Variants in SLC39A9 observed in about 807,000 individuals in gnomAD.
The protein encoded by SLC39A9 is solute carrier family 39 member 9.
In SLC39A9, 14 loss-of-function variants were observed where a neutral mutation model predicts 28.4. That is an observed-to-expected ratio of 0.49 (90% confidence interval 0.33 to 0.77). The LOEUF is 0.77. Ranked by LOEUF, SLC39A9 falls within the 30% of genes least tolerant of loss-of-function variation. SLC39A9 has a pLI of 0.02. For synonymous variants in SLC39A9, 119 were observed against 149.6 expected, an observed-to-expected ratio of 0.80 and a Z score of 1.49; for missense variants, 283 against 381.1, an observed-to-expected ratio of 0.74 and a Z score of 2.14.
chr14:69,414,050 C>CTT lies in SLC39A9; in HGVS notation c.97-10027_97-10026dup, dbSNP rs1186216595. Among the ~76,000 whole-genome samples the CTT allele has an allele frequency of 3.7e-3, 495 of 132,168 alleles. 11 individuals are homozygous for CTT. The highest frequency in any genetic ancestry group is 0.01 in the African/African-American group (370 of 35,752). The allele number at this position is 132,168 out of a possible 152,430, so 86.7% of individuals were successfully genotyped here. On this transcript the variant is annotated intron_variant, in intron 1 of 6. Transcript: ENST00000336643. ...CAAACTCCTGTTTATATTTCATATT[C>CTT]TTTTTTTTTTTTTTTTTTGAGAGAG...
Position 69,424,115 on chromosome 14 carries a change from G to C in SLC39A9, c.118G>C (p.Val40Leu). 1.2e-6 allele frequency: 2 copies of C among 1,613,834 alleles called. No individual in the cohort carries two copies. The highest frequency in any genetic ancestry group is 1.7e-6 in the Non-Finnish European group (2 of 1,179,812). ...FSEERLKLVTVLGAGLLCGTA... is the reference protein window; with the variant it reads ...FSEERLKLVTLLGAGLLCGTA... ...CCAGGAACGACTGAAGCTGGTGACT[G>C]TTTTGGGTGCTGGCCTTCTCTGTGG... is the stretch of plus-strand genomic sequence containing the variant. Residue 40 changes from valine (V) to leucine (L), a missense_variant, in exon 2 of 7, where the codon GTT becomes CTT. Physicochemically the swap from Val to Leu is conservative, Grantham distance 32. Coordinates refer to ENST00000336643, the MANE Select transcript of SLC39A9 (RefSeq NM_018375.5).
rs914987854 is a variant in SLC39A9, at chr14:69,398,875, T to C, written c.-495T>C. Reference sequence around the variant, plus strand: ...CAGGACTCCTTTCCTCATCCCAGGCTCGGAGGAGAGTTTGCTGGGACTGGT... The same window carrying C: ...CAGGACTCCTTTCCTCATCCCAGGCCCGGAGGAGAGTTTGCTGGGACTGGT... On this transcript the variant is annotated 5_prime_UTR_variant, in exon 1 of 7. Transcript: ENST00000336643. 5.0e-6 allele frequency: 1 copy of C among 198,660 alleles called. No individual in the cohort carries two copies. The highest frequency in any genetic ancestry group is 1.0e-5 in the Non-Finnish European group (1 of 97,770). 12.3% of individuals were successfully genotyped at this position (198,660 alleles called of 1,614,324 possible).
rs930754923 is a variant in SLC39A9 at position 69,461,415 on chromosome 14, AT to A, written c.*2831del. The A allele has an allele frequency of 6.0e-4, 743 of 1,240,600 alleles. No individual in the cohort carries two copies. Among genetic ancestry groups the A allele is most frequent in the East Asian group, 2.1e-3 (62 of 28,880 alleles). 76.8% of individuals were successfully genotyped at this position (1,240,600 alleles called of 1,614,324 possible). ...GTTTTCCTGTGCACACTATTGCCAA[AT>A]TTTTTTTTAGCAAAGATTCTGCACT... On this transcript the variant is annotated 3_prime_UTR_variant, in exon 7 of 7. Transcript: ENST00000336643.
chr14:69,444,457 T>A (rs1465048202), intron 3 of SLC39A9, among the ~76,000 whole-genome samples: 1 of 152,198 alleles, frequency 6.6e-6, no homozygotes, highest in Non-Finnish European at 1.5e-5. Context: ...AAAGCTATGC[T>A]GAGATACCGT....
chr14:69,407,494 C>T (rs899006347), intron 1 of SLC39A9, among the ~76,000 whole-genome samples: 19 of 150,108 alleles, frequency 1.3e-4, no homozygotes, highest in African/African-American at 3.2e-4. Context: ...TGCACCACCA[C>T]GCCCCACTAA....
intron 6 of SLC39A9, among the ~76,000 whole-genome samples, chr14:69,456,369 G>T (rs1008555833): frequency 1.3e-5 from 2 of 152,152 alleles, no homozygotes; most frequent in Non-Finnish European, 2.9e-5. Context: ...AAGAAGAGAA[G>T]GCTTTTCAGG....
In SLC39A9 at chr14:69,460,981, G is replaced by A. The variant is rs918117082; in HGVS notation, c.*2388G>A. The A allele has an allele frequency of 2.1e-5, 21 of 985,330 alleles. No homozygotes were observed. The highest frequency in any genetic ancestry group is 2.5e-5 in the Non-Finnish European group (21 of 830,012). The allele number at this position is 985,330 out of a possible 1,614,324, so 61.0% of individuals were successfully genotyped here. ...GAAGAGCTTGCTGGCATGGTGGGCA[G>A]TATTCCAGGAGAGGCCATGTCCGTG... On this transcript the variant is annotated 3_prime_UTR_variant, in exon 7 of 7. Coordinates refer to ENST00000336643, the MANE Select transcript of SLC39A9 (RefSeq NM_018375.5).
Position 69,460,479 on chromosome 14 carries a change from C to A in SLC39A9, c.*1886C>A. Reference sequence around the variant, plus strand: ...GTGAGACTTGAGGTTTCATCTAGTCCTTCAAAACTATATGGTTGCCTAGAT... The same window carrying A: ...GTGAGACTTGAGGTTTCATCTAGTCATTCAAAACTATATGGTTGCCTAGAT... On this transcript the variant is annotated 3_prime_UTR_variant, in exon 7 of 7. Transcript: ENST00000336643. The A allele has an allele frequency of 1.0e-6, 1 of 985,380 alleles. No homozygotes were observed. The highest frequency in any genetic ancestry group is 1.2e-6 in the Non-Finnish European group (1 of 829,894). 61.0% of individuals were successfully genotyped at this position (985,380 alleles called of 1,614,324 possible). A position where few individuals can be genotyped will look rare whatever the true frequency, so the allele number is the denominator to read the frequency against.
intron 3 of SLC39A9, among the ~76,000 whole-genome samples, chr14:69,447,197 G>A (rs1243437436): frequency 1.3e-5 from 2 of 152,162 alleles, no homozygotes; most frequent in Non-Finnish European, 2.9e-5. Context: ...TGATCGGATA[G>A]TCAAAATTAA....
intron 2 of SLC39A9, among the ~76,000 whole-genome samples, chr14:69,426,549 C>A (rs1884202323): frequency 6.6e-6 from 1 of 152,202 alleles, no homozygotes; most frequent in Non-Finnish European, 1.5e-5. Context: ...ACCTTTCTAT[C>A]AGCCTTCATA....
intron 1 of SLC39A9, among the ~76,000 whole-genome samples, chr14:69,407,341 T>C (rs1250651301): frequency 2.0e-5 from 3 of 147,270 alleles, no homozygotes; most frequent in Admixed American, 6.8e-5. Flanking sequence ...TCTTCCTTCC[T>C]TTCTTCTTTC....
At chr14:69,431,637 T>C (rs1044804793) in intron 2 of SLC39A9, among the ~76,000 whole-genome samples, 1 of 152,012 alleles carries the variant, frequency 6.6e-6, no homozygotes. Flanking sequence ...TTCACGATGC[T>C]GAGGTTTGGG....
rs1258325457 is a variant in SLC39A9, at chr14:69,454,873, G to A, written c.534G>A (p.Val178=). 6.2e-7 allele frequency: 1 copy of A among 1,613,834 alleles called. No homozygotes were observed. Among genetic ancestry groups the A allele is most frequent in the African/African-American group, 1.3e-5 (1 of 74,936 alleles). The change falls in exon 5 of 7, where the codon GTG becomes GTA. Residue 178 remains valine (V), a synonymous_variant. Coordinates refer to ENST00000336643, the MANE Select transcript of SLC39A9 (RefSeq NM_018375.5). ...CACAGACCAGTGTCCAGTTAATTGT[G>A]TTTGTGGCAATCATGCTACATAAGG... ...STSQTSVQLI[V]FVAIMLHKAP... is the part of the protein sequence containing the mutation.
At chr14:69,408,272 G>A (rs1350928406) in intron 1 of SLC39A9, among the ~76,000 whole-genome samples, 1 of 151,516 alleles carries the variant, frequency 6.6e-6, no homozygotes, top group African/African-American at 2.4e-5. Context: ...CTTGGCCTCC[G>A]GAAGTGCTGG....
intron 1 of SLC39A9, among the ~76,000 whole-genome samples, chr14:69,420,424 C>G (rs1466967592): frequency 6.6e-6 from 1 of 152,098 alleles, no homozygotes; most frequent in Non-Finnish European, 1.5e-5. Context: ...TCTGGCTGCC[C>G]TTAACATTTT....
At position 69,462,010 on chromosome 14, in the gene SLC39A9, C is replaced by T. The variant is rs1886132229; in HGVS notation, c.*3417C>T. The T allele has an allele frequency of 9.6e-6, 3 of 312,784 alleles. No individual in the cohort carries two copies. Among genetic ancestry groups the T allele is most frequent in the Non-Finnish European group, 1.8e-5 (3 of 169,874 alleles). 19.4% of individuals were successfully genotyped at this position (312,784 alleles called of 1,614,324 possible). On this transcript the variant is annotated 3_prime_UTR_variant, in exon 7 of 7. Coordinates refer to ENST00000336643, the MANE Select transcript of SLC39A9 (RefSeq NM_018375.5). ...GTTGGAGATGCTGTGAAATTAAAAC[C>T]TCTTTGTACCTGAGACATCTAGATT...
intron 2 of SLC39A9, among the ~76,000 whole-genome samples, chr14:69,438,336 T>C (rs1460965510): frequency 1.3e-5 from 2 of 152,140 alleles, no homozygotes; most frequent in Admixed American, 6.6e-5. Context: ...CTTTCTTTAT[T>C]GTAGACCAAA....
rs1413469318 is a variant in SLC39A9 at position 69,461,723 on chromosome 14, A to G, written c.*3130A>G. ...ATTAGAACTAAGAGGACACACCAGC[A>G]TCGGAGTGTATTAAGCCCCTGAAAC... On this transcript the variant is annotated 3_prime_UTR_variant, in exon 7 of 7. Coordinates refer to ENST00000336643, the MANE Select transcript of SLC39A9 (RefSeq NM_018375.5). 4 of 1,535,874 alleles carry G rather than the reference A, an allele frequency of 2.6e-6. No individual in the cohort carries two copies. Among genetic ancestry groups the G allele is most frequent in the South Asian group, 1.2e-5 (1 of 84,054 alleles).
At position 69,461,721 on chromosome 14, in the gene SLC39A9, G is replaced by C; in HGVS notation, c.*3128G>C. On this transcript the variant is annotated 3_prime_UTR_variant, in exon 7 of 7. Coordinates refer to ENST00000336643, the MANE Select transcript of SLC39A9 (RefSeq NM_018375.5). ...GGATTAGAACTAAGAGGACACACCA[G>C]CATCGGAGTGTATTAAGCCCCTGAA... 1 of 1,535,888 alleles carries C rather than the reference G, an allele frequency of 6.5e-7. No homozygotes were observed. The highest frequency in any genetic ancestry group is 2.4e-5 in the East Asian group (1 of 40,914).
Sources: gnomAD v4.1 joint callset for allele counts (sites outside exome capture counted in the v4.1 genomes callset) on GRCh38, gnomAD v4.1.1 for gene constraint, MANE v1.5 for transcripts, NCBI Gene and HGNC (gene_info 2026-07-23, HGNC 2026-07-21) for gene names.